AOPEP: variants seen among roughly 807,000 people sequenced by gnomAD.
The protein encoded by AOPEP is aminopeptidase O.
Under a neutral mutation model 98.1 loss-of-function variants are expected in AOPEP, and 77 were observed. The observed-to-expected ratio is 0.78, with a 90% CI of 0.65 to 0.95. AOPEP has a LOEUF of 0.95. Among genes scored for constraint, AOPEP ranks in the 40% least tolerant of loss-of-function variants. AOPEP has a pLI of 0.00. For synonymous variants in AOPEP, 346 were observed against 365.3 expected (o/e 0.95, Z 0.60); for missense variants, 1,024 against 1,024.7 (o/e 1.00, Z 0.01).
chr9:95,003,165 T>TGTGTGTGTGC (rs1196387961), intron 11 of AOPEP, among the ~76,000 whole-genome samples: 2,090 of 145,978 alleles, frequency 0.014, 55 homozygotes, highest in African/African-American at 0.049. Context: ...TGTGTGTGTG[T>TGTGTGTGTGC]GCGCGCGCGC....
chr9:95,007,554 A>G (rs1372380441), intron 13 of AOPEP, among the ~76,000 whole-genome samples: 1 of 152,248 alleles, frequency 6.6e-6, no homozygotes, highest in Non-Finnish European at 1.5e-5. Flanking sequence ...AAAATGGAGT[A>G]GGTTGAAACC....
At chr9:94,861,828 C>G (rs970159117) in intron 5 of AOPEP, among the ~76,000 whole-genome samples, 1 of 152,202 alleles carries the variant, frequency 6.6e-6, no homozygotes, top group South Asian at 2.1e-4. Flanking sequence ...TGGGTCGGGT[C>G]CTCCGTGCTT....
intron 7 of AOPEP, chr9:94,933,491 T>C (rs2137158739): frequency 6.1e-6 from 6 of 985,438 alleles, no homozygotes; most frequent in Non-Finnish European, 7.2e-6. Context: ...CAGGAGTCTA[T>C]GGAACTCTTA....
chr9:94,772,359 T>C (rs1012524904), intron 2 of AOPEP, among the ~76,000 whole-genome samples: 4 of 152,206 alleles, frequency 2.6e-5, no homozygotes, highest in African/African-American at 7.2e-5. Flanking sequence ...GTCCTAATGC[T>C]GTGTCATTGG....
intron 2 of AOPEP, among the ~76,000 whole-genome samples, chr9:94,761,509 CT>C (rs144287568): frequency 0.013 from 1,937 of 152,254 alleles, 34 homozygotes; most frequent in African/African-American, 0.039. Flanking sequence ...TGGGAGCCTT[CT>C]TTTATAGCGT....
chr9:95,014,697 A>G (rs1166073438), intron 13 of AOPEP, among the ~76,000 whole-genome samples: 1 of 152,144 alleles, frequency 6.6e-6, no homozygotes, highest in Non-Finnish European at 1.5e-5. Flanking sequence ...GAAGTACCTC[A>G]TCTAGAAAAC....
intron 13 of AOPEP, among the ~76,000 whole-genome samples, chr9:95,040,177 T>A (rs936303001): frequency 2.0e-5 from 3 of 152,194 alleles, no homozygotes; most frequent in Non-Finnish European, 4.4e-5. Flanking sequence ...CACCAGGGGA[T>A]TCTGCTGCCC....
chr9:94,760,468 A>G lies in AOPEP; in HGVS notation c.685A>G (p.Ile229Val). 6.2e-7 allele frequency: 1 copy of G among 1,613,618 alleles called. No homozygotes were observed. The highest frequency in any genetic ancestry group is 2.2e-5 in the East Asian group (1 of 44,878). The change falls in exon 2 of 17, where the codon ATA becomes GTA. Residue 229 changes from isoleucine to valine, a missense_variant. Ile to Val is a conservative substitution (Grantham distance 29). Transcript: ENST00000375315. The part of the protein sequence containing the change: ...LFDTDTWSLQ[I>V]RKTGAQTATD... ...TGACACTGACACTTGGAGCTTGCAGATAAGGAAGACAGGGGCTCAGACAGC... is the reference window on the plus strand; with the variant it reads ...TGACACTGACACTTGGAGCTTGCAGGTAAGGAAGACAGGGGCTCAGACAGC...
chr9:94,899,179 CTTTTTTTTT>C (rs1164742981), intron 5 of AOPEP, among the ~76,000 whole-genome samples: 12 of 59,732 alleles, frequency 2.0e-4, no homozygotes, highest in Non-Finnish European at 8.3e-5. Flanking sequence ...TCTTCATTTG[CTTTTTTTTT>C]TTTTTTTTTT....
intron 11 of AOPEP, among the ~76,000 whole-genome samples, chr9:94,985,156 G>C (rs2060439464): frequency 6.6e-6 from 1 of 152,270 alleles, no homozygotes. Context: ...GAGGAGGAGA[G>C]AGAAGATGGG....
intron 11 of AOPEP, among the ~76,000 whole-genome samples, chr9:94,983,090 C>T (rs1365397262): frequency 3.3e-5 from 5 of 151,938 alleles, no homozygotes; most frequent in Admixed American, 2.6e-4. Context: ...TGCAGTGGCA[C>T]GATTTTGGCT....
intron 1 of AOPEP, among the ~76,000 whole-genome samples, chr9:94,730,262 C>A (rs931958301): frequency 7.1e-6 from 1 of 141,306 alleles, no homozygotes; most frequent in Non-Finnish European, 1.5e-5. Flanking sequence ...CCAGCCTGGG[C>A]GACAGAGCGA....
chr9:95,064,825 C>G (rs747174647), intron 14 of AOPEP, among the ~76,000 whole-genome samples: 12 of 152,164 alleles, frequency 7.9e-5, no homozygotes, highest in Non-Finnish European at 1.3e-4. Flanking sequence ...GTGACTCAAG[C>G]ACTTAATGAT....
chr9:95,107,322 A>C, the AOPEP span: 3 of 1,559,706 alleles, frequency 1.9e-6, no homozygotes, highest in East Asian at 4.6e-5. Context: ...GGACAGACAT[A>C]CTTCTAGGAT....
chr9:94,799,491 G>C (rs1847756653), intron 4 of AOPEP, among the ~76,000 whole-genome samples: 1 of 151,588 alleles, frequency 6.6e-6, no homozygotes, highest in East Asian at 1.9e-4. Context: ...GATTGCTTGA[G>C]CCCAGGACTT....
intron 4 of AOPEP, among the ~76,000 whole-genome samples, chr9:94,797,703 C>A (rs1243874759): frequency 7.7e-6 from 1 of 130,090 alleles, no homozygotes; most frequent in African/African-American, 3.0e-5. Flanking sequence ...TCTCTCATAC[C>A]TTTTTTTTTT....
the AOPEP span, among the ~76,000 whole-genome samples, chr9:95,105,632 T>G: frequency 6.6e-6 from 1 of 152,170 alleles, no homozygotes; most frequent in Admixed American, 6.5e-5. Flanking sequence ...CCCCTTTCCA[T>G]GATCCCCACA....
the AOPEP span, chr9:95,101,790 T>G: frequency 6.2e-7 from 1 of 1,614,054 alleles, no homozygotes; most frequent in Non-Finnish European, 8.5e-7. Flanking sequence ...CGATTCCATC[T>G]GTACAAGGTC....
At chr9:95,100,936 A>ATTCT in the AOPEP span, 1 of 233,190 alleles carries the variant, frequency 4.3e-6, no homozygotes, top group Non-Finnish European at 8.5e-6. Context: ...AGCCAGGCCA[A>ATTCT]TTCTTTATCA....
Sources: allele counts gnomAD v4.1 joint callset (sites outside exome capture counted in the v4.1 genomes callset), GRCh38; gene constraint gnomAD v4.1.1; transcripts MANE v1.5; gene names NCBI Gene and HGNC (gene_info 2026-07-23, HGNC 2026-07-21).